The following EDEM1 variants were observed in gnomAD, a reference collection of about 807,000 sequenced individuals.
EDEM1 encodes the protein ER degradation enhancing alpha-mannosidase like protein 1.
In EDEM1, 67 loss-of-function variants were observed where a neutral mutation model predicts 74.4. The observed-to-expected ratio is 0.90, with a 90% CI of 0.74 to 1.10. The LOEUF (loss-of-function observed/expected upper bound fraction) is 1.10, where lower values mean the gene tolerates loss of function less well. Among genes scored for constraint, EDEM1 ranks in the 50% least tolerant of loss-of-function variants. The pLI, the probability that EDEM1 is intolerant of heterozygous loss-of-function variation, is 0.00. For missense variants in EDEM1, 926 were observed against 851.6 expected, an observed-to-expected ratio of 1.09 and a Z score of -1.09; for synonymous variants, 382 against 335.9, an observed-to-expected ratio of 1.14 and a Z score of -1.50.
rs2055293402 is a variant in EDEM1 at position 5,219,941 on chromosome 3, A to C, written c.*4023A>C. 1 of 152,486 alleles carries C rather than the reference A, an allele frequency of 6.6e-6. No individual in the cohort carries two copies. The highest frequency in any genetic ancestry group is 2.1e-4 in the South Asian group (1 of 4,834). The allele number at this position is 152,486 out of a possible 1,614,324, so 9.4% of individuals were successfully genotyped here. On this transcript the variant is annotated 3_prime_UTR_variant, in exon 12 of 12. Coordinates refer to ENST00000256497, the MANE Select transcript of EDEM1 (RefSeq NM_014674.3). ...GGATTTTTATGAGTAATTTTTATTAAAAGATTTCTTTTTTTGAGTTGTCAT... is the reference window on the plus strand; with the variant it reads ...GGATTTTTATGAGTAATTTTTATTACAAGATTTCTTTTTTTGAGTTGTCAT...
rs1227540087 is a variant in EDEM1, at chr3:5,218,621, G to A, written c.*2703G>A. On this transcript the variant is annotated 3_prime_UTR_variant, in exon 12 of 12. Transcript: ENST00000256497. ...TAGTGTCAGCTTTGCTCAGTGTGGT[G>A]GAAACATTTTGCAGAACTGTTGTAG... is the stretch of plus-strand genomic sequence containing the variant. The A allele has an allele frequency of 6.6e-6, 1 of 152,044 alleles. No homozygotes were observed. The highest frequency in any genetic ancestry group is 2.4e-5 in the African/African-American group (1 of 41,384). 9.4% of individuals were successfully genotyped at this position (152,044 alleles called of 1,614,324 possible).
At chr3:5,207,668 G>A (rs1469736945) in intron 7 of EDEM1, among the ~76,000 whole-genome samples, 3 of 152,024 alleles carry the variant, frequency 2.0e-5, no homozygotes, top group African/African-American at 7.2e-5. Context: ...CACCACATCC[G>A]GCTAATTTTT....
At chr3:5,209,604 T>C (rs925035595) in intron 8 of EDEM1, among the ~76,000 whole-genome samples, 2 of 152,210 alleles carry the variant, frequency 1.3e-5, no homozygotes, top group Non-Finnish European at 2.9e-5. Context: ...TAAAGGCTTA[T>C]CTTCCCAGAG....
At chr3:5,212,564 G>A (rs2055180173) in intron 10 of EDEM1, among the ~76,000 whole-genome samples, 1 of 152,214 alleles carries the variant, frequency 6.6e-6, no homozygotes, top group Admixed American at 6.5e-5. Context: ...TTCTTCTCTT[G>A]TTACTGTGTA....
At chr3:5,197,835 TGTAG>T (rs1326959112) in intron 2 of EDEM1, among the ~76,000 whole-genome samples, 1 of 152,250 alleles carries the variant, frequency 6.6e-6, no homozygotes, top group Non-Finnish European at 1.5e-5. Context: ...GTACTTACTC[TGTAG>T]GTTACAGCAA....
At position 5,199,593 on chromosome 3, in the gene EDEM1, T is replaced by G. The variant is rs1405652610; in HGVS notation, c.584T>G (p.Ile195Arg). Reference protein sequence around the residue: ...TLVDALDTLAIMGNSSEFQKA... With the variant: ...TLVDALDTLARMGNSSEFQKA... The stretch of plus-strand genomic sequence containing the variant: ...TGACCTGTGTTCCTCTTTTTAAAGA[T>G]AATGGGAAATTCATCCGAGTTCCAG... The change falls in exon 3 of 12, where the codon ATA becomes AGA. Residue 195 changes from isoleucine to arginine, a missense_variant and splice_region_variant. By Grantham distance (97) the Ile-to-Arg change is moderately conservative (BLOSUM62 -3). Coordinates refer to ENST00000256497, the MANE Select transcript of EDEM1 (RefSeq NM_014674.3). 1 of 1,609,678 alleles carries G rather than the reference T, an allele frequency of 6.2e-7. No homozygotes were observed.
In EDEM1 at chr3:5,218,203, G is replaced by A. The variant is rs1249558596; in HGVS notation, c.*2285G>A. The A allele has an allele frequency of 6.6e-6, 1 of 152,202 alleles. No individual in the cohort carries two copies. The highest frequency in any genetic ancestry group is 2.4e-5 in the African/African-American group (1 of 41,420). 9.4% of individuals were successfully genotyped at this position (152,202 alleles called of 1,614,324 possible). On this transcript the variant is annotated 3_prime_UTR_variant, in exon 12 of 12. Transcript: ENST00000256497. ...CTTCTGGGTACTGGAATTAATACCA[G>A]TGGGTGAGACTGAGGGTGAGTGAGT...
At position 5,215,819 on chromosome 3, in the gene EDEM1, G is replaced by A. The variant is rs2055227628; in HGVS notation, c.1885-10G>A. On this transcript the variant is annotated splice_polypyrimidine_tract_variant and intron_variant, in intron 11 of 11. Coordinates refer to ENST00000256497, the MANE Select transcript of EDEM1 (RefSeq NM_014674.3). ...GAGTTTTTAATTTTCCCTCGTTTTT[G>A]TCTTTCTAGTGCAATCGTGTACCTG... 6.2e-7 allele frequency: 1 copy of A among 1,611,512 alleles called. No homozygotes were observed. Among genetic ancestry groups the A allele is most frequent in the Admixed American group, 1.7e-5 (1 of 59,706 alleles).
At chr3:5,207,099 A>T (rs899354773) in intron 6 of EDEM1, 54 bp from the exon 7 acceptor site, 1 of 1,602,478 alleles carries the variant, frequency 6.2e-7, no homozygotes, top group African/African-American at 1.3e-5. Flanking sequence ...GGAGAGGTAG[A>T]GATCTGTCAG....
chr3:5,201,614 G>T, intron 3 of EDEM1, 139 bp from the exon 4 acceptor site: 1 of 870,700 alleles, frequency 1.1e-6, no homozygotes, highest in Admixed American at 2.7e-5. Context: ...GAATTCAAGA[G>T]TCCATTAAGT....
intron 1 of EDEM1, among the ~76,000 whole-genome samples, chr3:5,190,028 TG>T (rs1308731746): frequency 6.6e-6 from 1 of 152,070 alleles, no homozygotes; most frequent in Non-Finnish European, 1.5e-5. Context: ...CATTTAATTG[TG>T]GTCTTTTTTT....
chr3:5,216,677 C>T lies in EDEM1; in HGVS notation c.*759C>T, dbSNP rs1237519266. ...TTTGCTTAAGAAGAATGGTCTTAAC[C>T]AGAATTCTTAACAGATAGTCTCTTA... On this transcript the variant is annotated 3_prime_UTR_variant, in exon 12 of 12. Transcript: ENST00000256497. 1 of 152,588 alleles carries T rather than the reference C, an allele frequency of 6.6e-6. No individual in the cohort carries two copies. Among genetic ancestry groups the T allele is most frequent in the Non-Finnish European group, 1.5e-5 (1 of 68,038 alleles). The allele number at this position is 152,588 out of a possible 1,614,324, so 9.5% of individuals were successfully genotyped here. A position where few individuals can be genotyped will look rare whatever the true frequency, so the allele number is the denominator to read the frequency against.
intron 1 of EDEM1, among the ~76,000 whole-genome samples, chr3:5,193,755 G>A (rs927264896): frequency 7.2e-5 from 11 of 152,064 alleles, no homozygotes; most frequent in South Asian, 2.1e-4. Context: ...CTGCCACCAC[G>A]CCCAGCTAAT....
At position 5,219,409 on chromosome 3, in the gene EDEM1, T is replaced by G. The variant is rs993045094; in HGVS notation, c.*3491T>G. ...TCCATTCCCAGCATCCAGCTCCTATTCTAGTGCCTCTTCCCTGCAGGGCAG... is the reference window on the plus strand; with the variant it reads ...TCCATTCCCAGCATCCAGCTCCTATGCTAGTGCCTCTTCCCTGCAGGGCAG... On this transcript the variant is annotated 3_prime_UTR_variant, in exon 12 of 12. Coordinates refer to ENST00000256497, the MANE Select transcript of EDEM1 (RefSeq NM_014674.3). 1 of 152,090 alleles carries G rather than the reference T, an allele frequency of 6.6e-6. No individual in the cohort carries two copies. The highest frequency in any genetic ancestry group is 2.4e-5 in the African/African-American group (1 of 41,408). 9.4% of individuals were successfully genotyped at this position (152,090 alleles called of 1,614,324 possible).
rs1057264840 is a variant in EDEM1, at chr3:5,218,119, T to G, written c.*2201T>G. The stretch of plus-strand genomic sequence containing the variant: ...CAAACTACACAATGCTGCAGGTGCT[T>G]CCCAGGGGCCACAGGCTGTCAGGAA... On this transcript the variant is annotated 3_prime_UTR_variant, in exon 12 of 12. Transcript: ENST00000256497. The G allele has an allele frequency of 6.6e-6, 1 of 152,220 alleles. No individual in the cohort carries two copies. Among genetic ancestry groups the G allele is most frequent in the Non-Finnish European group, 1.5e-5 (1 of 68,086 alleles). The allele number at this position is 152,220 out of a possible 1,614,324, so 9.4% of individuals were successfully genotyped here. A position where few individuals can be genotyped will look rare whatever the true frequency, so the allele number is the denominator to read the frequency against.
At position 5,188,141 on chromosome 3, in the gene EDEM1, C is replaced by A. The variant is rs1338270017; in HGVS notation, c.336C>A (p.Asp112Glu). 3 of 1,534,092 alleles carry A rather than the reference C, an allele frequency of 2.0e-6. No individual in the cohort carries two copies. The highest frequency in any genetic ancestry group is 2.0e-5 in the Admixed American group (1 of 49,154). Reference sequence around the variant, plus strand: ...TGGGCGGCCGGGGCCGCGGCCCGGACGAGTACGAGAAGCGCTACAGCGGCG... The same window carrying A: ...TGGGCGGCCGGGGCCGCGGCCCGGAAGAGTACGAGAAGCGCTACAGCGGCG... ...YVLGGRGRGPDEYEKRYSGAF... is the reference protein window; with the variant it reads ...YVLGGRGRGPEEYEKRYSGAF... Residue 112 changes from aspartate to glutamate, a missense_variant, in exon 1 of 12, where the codon GAC becomes GAA. By Grantham distance (45) the Asp-to-Glu change is conservative. Transcript: ENST00000256497.
Position 5,199,680 on chromosome 3 carries a change from T to G in EDEM1, c.671T>G (p.Phe224Cys). 1 of 1,613,388 alleles carries G rather than the reference T, an allele frequency of 6.2e-7. No homozygotes were observed. The highest frequency in any genetic ancestry group is 8.5e-7 in the Non-Finnish European group (1 of 1,179,558). The change falls in exon 3 of 12, where the codon TTT becomes TGT. Residue 224 changes from phenylalanine to cysteine, a missense_variant. By Grantham distance (205) the Phe-to-Cys change is radical (BLOSUM62 -2). Coordinates refer to ENST00000256497, the MANE Select transcript of EDEM1 (RefSeq NM_014674.3). ...GACAAAGATTCCACCGTCCAAGTCT[T>G]TGAGGCCACGATAAGGTAAAATAAT... ...SFDKDSTVQV[F>C]EATIRVLGSL...
At chr3:5,204,943 C>T (rs902642575) in intron 5 of EDEM1, 124 bp from the exon 6 acceptor site, 1 of 1,044,514 alleles carries the variant, frequency 9.6e-7, no homozygotes, top group Non-Finnish European at 1.4e-6. Context: ...CAACCACCTC[C>T]TTCTCCTGTA....
chr3:5,205,184 A>C lies in EDEM1; in HGVS notation c.1160A>C (p.Glu387Ala). Residue 387 changes from glutamate to alanine, a missense_variant, in exon 6 of 12, where the codon GAA becomes GCA. Coordinates refer to ENST00000256497, the MANE Select transcript of EDEM1 (RefSeq NM_014674.3). ...LKSYILFGEK[E>A]DLEMFNAAYQ... ...TCTTACATTCTCTTTGGAGAAAAAG[A>C]AGACCTAGAAATGTTTAATGCTGCA... is the stretch of plus-strand genomic sequence containing the variant. 6.2e-7 allele frequency: 1 copy of C among 1,614,254 alleles called. No homozygotes were observed. The highest frequency in any genetic ancestry group is 8.5e-7 in the Non-Finnish European group (1 of 1,180,038).
Sources: allele counts gnomAD v4.1 joint callset (sites outside exome capture counted in the v4.1 genomes callset), GRCh38; gene constraint gnomAD v4.1.1; transcripts MANE v1.5; gene names NCBI Gene and HGNC (gene_info 2026-07-23, HGNC 2026-07-21).